The following ZNF688 variants were observed in gnomAD, a reference collection of about 807,000 sequenced individuals.
The protein encoded by ZNF688 is zinc finger protein 688.
A neutral mutation model predicts 13.2 loss-of-function variants in ZNF688; 10 were observed. The observed-to-expected ratio is 0.76, with a 90% CI of 0.47 to 1.28. The LOEUF (loss-of-function observed/expected upper bound fraction) is 1.28, where lower values mean the gene tolerates loss of function less well. Ranked by LOEUF, ZNF688 falls within the 50% of genes most tolerant of loss-of-function variation. The pLI is 0.00. For synonymous variants in ZNF688, 160 were observed against 159.4 expected (o/e 1.00, Z -0.03); for missense variants, 381 against 391.4 (o/e 0.97, Z 0.22).
In ZNF688 at chr16:30,571,642, C is replaced by T; in HGVS notation, c.-13G>A. 1 of 1,392,028 alleles carries T rather than the reference C, an allele frequency of 7.2e-7. No homozygotes were observed. Among genetic ancestry groups the T allele is most frequent in the Non-Finnish European group, 9.3e-7 (1 of 1,076,904 alleles). The allele number at this position is 1,392,028 out of a possible 1,614,324, so 86.2% of individuals were successfully genotyped here. A position where few individuals can be genotyped will look rare whatever the true frequency, so the allele number is the denominator to read the frequency against. On this transcript the variant is annotated 5_prime_UTR_variant, in exon 1 of 3. Transcript: ENST00000223459. ...GGGGCGGCGCCATGGGGCCTCGCAG[C>T]CCCGATCGGCGGCCGCCAGGTCCCT...
chr16:30,571,999 C>A, upstream of ZNF688: 1 of 1,385,610 alleles, frequency 7.2e-7, no homozygotes, highest in South Asian at 1.9e-5. Context: ...CCTCATCGTC[C>A]CACTTGCCCT....
upstream of ZNF688, among the ~76,000 whole-genome samples, chr16:30,574,919 A>T (rs1469708497): frequency 6.6e-6 from 1 of 152,176 alleles, no homozygotes; most frequent in African/African-American, 2.4e-5. Context: ...TACCTCCATG[A>T]GATCAACTTT....
chr16:30,579,878 G>A, the ZNF688 span: 1 of 455,022 alleles, frequency 2.2e-6, no homozygotes, highest in Non-Finnish European at 4.4e-6. Context: ...TCTCTTAACT[G>A]TTGTTTTTTG....
At chr16:30,574,769 A>G (rs1033154863), upstream of ZNF688, among the ~76,000 whole-genome samples, 6 of 152,164 alleles carry the variant, frequency 3.9e-5, no homozygotes, top group African/African-American at 1.4e-4. Flanking sequence ...TTTGTTAACT[A>G]CAGTCACCCT....
the ZNF688 span, among the ~76,000 whole-genome samples, chr16:30,578,005 G>A: frequency 9.2e-5 from 14 of 152,040 alleles, no homozygotes; most frequent in Admixed American, 3.3e-4. Flanking sequence ...AAACTGTTCC[G>A]TGTAGCTGAT....
chr16:30,571,486 C>T lies in ZNF688; in HGVS notation c.144G>A (p.Arg48=). The T allele has an allele frequency of 6.3e-7, 1 of 1,590,774 alleles. No individual in the cohort carries two copies. Among genetic ancestry groups the T allele is most frequent in the Non-Finnish European group, 8.5e-7 (1 of 1,169,756 alleles). ...CCTGCATCACGTCCCGGTACAGAGCCCTCTGCGCGGGCCGCAGACAGCCCC... is the reference window on the plus strand; with the variant it reads ...CCTGCATCACGTCCCGGTACAGAGCTCTCTGCGCGGGCCGCAGACAGCCCC... ...EEWGCLRPAQ[R]ALYRDVMQET... is the part of the protein sequence containing the mutation. Residue 48 remains arginine, a synonymous_variant, in exon 1 of 3, where the codon AGG becomes AGA. Coordinates refer to ENST00000223459, the MANE Select transcript of ZNF688 (RefSeq NM_145271.4).
chr16:30,576,151 G>A (rs183674115), upstream of ZNF688, among the ~76,000 whole-genome samples: 53 of 151,920 alleles, frequency 3.5e-4, no homozygotes, highest in East Asian at 8.5e-3. Flanking sequence ...GGGTTCAACC[G>A]ATTCTCCTGC....
upstream of ZNF688, among the ~76,000 whole-genome samples, chr16:30,575,445 C>T (rs1800707299): frequency 6.6e-6 from 1 of 151,902 alleles, no homozygotes; most frequent in Non-Finnish European, 1.5e-5. Flanking sequence ...AGGGGTTTTG[C>T]CATGTTGGCT....
upstream of ZNF688, among the ~76,000 whole-genome samples, chr16:30,573,255 C>G (rs1013762160): frequency 2.0e-5 from 3 of 152,168 alleles, no homozygotes; most frequent in Non-Finnish European, 4.4e-5. Flanking sequence ...AAGATAGCAT[C>G]AACTTTCAAA....
At position 30,571,649 on chromosome 16, in the gene ZNF688, C is replaced by A; in HGVS notation, c.-20G>T. Reference sequence around the variant, plus strand: ...CGCCATGGGGCCTCGCAGCCCCGATCGGCGGCCGCCAGGTCCCTGGAGCCG... The same window carrying A: ...CGCCATGGGGCCTCGCAGCCCCGATAGGCGGCCGCCAGGTCCCTGGAGCCG... On this transcript the variant is annotated 5_prime_UTR_variant, in exon 1 of 3. Transcript: ENST00000223459. 2.9e-6 allele frequency: 4 copies of A among 1,380,876 alleles called. No homozygotes were observed. The highest frequency in any genetic ancestry group is 3.7e-6 in the Non-Finnish European group (4 of 1,070,626). 85.5% of individuals were successfully genotyped at this position (1,380,876 alleles called of 1,614,324 possible). A position where few individuals can be genotyped will look rare whatever the true frequency, so the allele number is the denominator to read the frequency against.
At chr16:30,571,185 C>A in intron 1 of ZNF688, 62 bp from the exon 2 acceptor site, 1 of 1,532,650 alleles carries the variant, frequency 6.5e-7, no homozygotes, top group South Asian at 1.2e-5. Context: ...ATGGCATTCC[C>A]CTCCAGGCTG....
upstream of ZNF688, chr16:30,572,122 C>T (rs200966469): frequency 7.0e-5 from 110 of 1,582,558 alleles, no homozygotes; most frequent in East Asian, 5.2e-4. Context: ...CTTCACTTAC[C>T]CCTCTGTACC....
chr16:30,570,929 G>A (rs765337913), intron 2 of ZNF688, 81 bp downstream of exon 2: 13 of 1,406,926 alleles, frequency 9.2e-6, no homozygotes, highest in Non-Finnish European at 1.3e-5. Context: ...TAGGGATGCT[G>A]GAAGTGGGGG....
upstream of ZNF688, among the ~76,000 whole-genome samples, chr16:30,576,151 G>T (rs183674115): frequency 6.6e-6 from 1 of 151,802 alleles, no homozygotes; most frequent in Non-Finnish European, 1.5e-5. Context: ...GGGTTCAACC[G>T]ATTCTCCTGC....
At chr16:30,572,448 CCAGCCCCTGGCATCCG>C (rs1422035554), upstream of ZNF688, 6 of 635,826 alleles carry the variant, frequency 9.4e-6, no homozygotes, top group East Asian at 2.1e-4. Context: ...CGGAGTCCAC[CCAGCCCCTGGCATCCG>C]CAGCTCGGCT....
chr16:30,576,648 G>A (rs549168891), upstream of ZNF688, among the ~76,000 whole-genome samples: 11 of 152,254 alleles, frequency 7.2e-5, no homozygotes, highest in East Asian at 1.9e-4. Flanking sequence ...CCACCAGGCC[G>A]GCTTCATTGT....
At chr16:30,573,779 G>A (rs954689349), upstream of ZNF688, 1 of 259,710 alleles carries the variant, frequency 3.9e-6, no homozygotes, top group Non-Finnish European at 7.5e-6. Flanking sequence ...GATCTCATAT[G>A]CATATGTTAT....
In ZNF688 at chr16:30,571,569, T is replaced by TGCAACCAGGCCGGGTCTCCCC. The variant is rs1163622690; in HGVS notation, c.40_60dup (p.Gly14_Cys20dup). On this transcript the variant is annotated inframe_insertion, in exon 1 of 3. Transcript: ENST00000223459. Reference sequence around the variant, plus strand: ...GCGAAGCTCACAGTCCCGGGCTTCCTGCAACCAGGCCGGGTCTCCCCGGGC... The same window carrying TGCAACCAGGCCGGGTCTCCCC: ...GCGAAGCTCACAGTCCCGGGCTTCCTGCAACCAGGCCGGGTCTCCCCGCAACCAGGCCGGGTCTCCCCGGGC... The TGCAACCAGGCCGGGTCTCCCC allele has an allele frequency of 6.4e-7, 1 of 1,568,148 alleles. No homozygotes were observed. Among genetic ancestry groups the TGCAACCAGGCCGGGTCTCCCC allele is most frequent in the Admixed American group, 1.9e-5 (1 of 53,300 alleles).
chr16:30,570,528 G>A, intron 2 of ZNF688, 92 bp from the exon 3 acceptor site: 1 of 1,444,118 alleles, frequency 6.9e-7, no homozygotes, highest in Admixed American at 2.1e-5. Context: ...AGTGAGGGAA[G>A]TTCTGTCCAG....
Sources: gnomAD v4.1 joint callset for allele counts (sites outside exome capture counted in the v4.1 genomes callset) on GRCh38, gnomAD v4.1.1 for gene constraint, MANE v1.5 for transcripts, NCBI Gene and HGNC (gene_info 2026-07-23, HGNC 2026-07-21) for gene names.